The following ENTREP2 variants were observed in gnomAD, a reference collection of about 807,000 sequenced individuals.
ENTREP2 encodes the protein protein ENTREP2.
At chr15:29,581,931 A>C in the ENTREP2 span, among the ~76,000 whole-genome samples, 1 of 140,276 alleles carries the variant, frequency 7.1e-6, no homozygotes, top group South Asian at 2.5e-4. Context: ...ATAGATCCCC[A>C]AAATATGCTG....
chr15:29,194,688 C>T, the ENTREP2 span, among the ~76,000 whole-genome samples: 129 of 152,268 alleles, frequency 8.5e-4, no homozygotes, highest in African/African-American at 3.1e-3. Context: ...ACCAGCTCCC[C>T]CTAGACCTGA....
the ENTREP2 span, among the ~76,000 whole-genome samples, chr15:29,344,418 C>T: frequency 6.6e-6 from 1 of 152,284 alleles, no homozygotes; most frequent in East Asian, 1.9e-4. Context: ...GAACTTCCTC[C>T]CTGCTAGATT....
At chr15:29,198,777 C>T in the ENTREP2 span, among the ~76,000 whole-genome samples, 1 of 152,248 alleles carries the variant, frequency 6.6e-6, no homozygotes, top group Non-Finnish European at 1.5e-5. Flanking sequence ...TAAATAATCA[C>T]TTCTAGGCTT....
At chr15:29,444,170 C>T in the ENTREP2 span, among the ~76,000 whole-genome samples, 1 of 71,486 alleles carries the variant, frequency 1.4e-5, no homozygotes, top group African/African-American at 4.4e-5. Flanking sequence ...GAAAGACAGA[C>T]AAAGAAAGAA....
the ENTREP2 span, among the ~76,000 whole-genome samples, chr15:29,591,832 GAGAAGAAGAAGAAGAAGAAGAAGAAGA>G: frequency 0.39 from 54,685 of 140,058 alleles, 12,597 homozygotes; most frequent in Non-Finnish European, 0.53. Flanking sequence ...CATCTCAAAA[GAGAAGAAGAAGAAGAAGAAGAAGAAGA>G]AGAAGAAGAA....
chr15:29,667,830 A>G, the ENTREP2 span, among the ~76,000 whole-genome samples: 1 of 152,058 alleles, frequency 6.6e-6, no homozygotes, highest in Non-Finnish European at 1.5e-5. Flanking sequence ...ACACACTTCA[A>G]TGCATGAAAA....
the ENTREP2 span, among the ~76,000 whole-genome samples, chr15:29,323,681 C>G: frequency 6.6e-6 from 1 of 151,932 alleles, no homozygotes; most frequent in Non-Finnish European, 1.5e-5. Context: ...GGCTCTGCAC[C>G]AGTGAGGTCT....
At chr15:29,240,722 A>G in the ENTREP2 span, among the ~76,000 whole-genome samples, 3 of 152,150 alleles carry the variant, frequency 2.0e-5, no homozygotes, top group African/African-American at 4.8e-5. Flanking sequence ...GCCAAAATAT[A>G]ATGATTTGTG....
the ENTREP2 span, among the ~76,000 whole-genome samples, chr15:29,298,937 G>A: frequency 6.6e-6 from 1 of 152,086 alleles, no homozygotes; most frequent in Non-Finnish European, 1.5e-5. Flanking sequence ...TCTCTCTCAT[G>A]AACATAAATG....
the ENTREP2 span, chr15:29,196,658 G>T: frequency 7.2e-7 from 1 of 1,397,966 alleles, no homozygotes; most frequent in Non-Finnish European, 9.6e-7. Flanking sequence ...CAGGAAAATG[G>T]CTCAGTTCAA....
the ENTREP2 span, among the ~76,000 whole-genome samples, chr15:29,378,637 C>A: frequency 2.0e-5 from 3 of 152,230 alleles, no homozygotes; most frequent in African/African-American, 7.2e-5. Flanking sequence ...AGCCTCAGCT[C>A]TTCCCTCCAT....
the ENTREP2 span, among the ~76,000 whole-genome samples, chr15:29,422,322 T>C: frequency 6.6e-6 from 1 of 152,192 alleles, no homozygotes; most frequent in Admixed American, 6.5e-5. Context: ...ACATGGCCAC[T>C]GACTGGTGCT....
At chr15:29,228,985 A>G in the ENTREP2 span, among the ~76,000 whole-genome samples, 1 of 152,128 alleles carries the variant, frequency 6.6e-6, no homozygotes, top group Non-Finnish European at 1.5e-5. Context: ...AATTTTTATT[A>G]GGAACATTTT....
chr15:29,627,540 TAAAA>T, the ENTREP2 span, among the ~76,000 whole-genome samples: 3 of 120,226 alleles, frequency 2.5e-5, no homozygotes, highest in Non-Finnish European at 1.8e-5. Context: ...AGACTCCATC[TAAAA>T]AAAAAAAAAA....
the ENTREP2 span, among the ~76,000 whole-genome samples, chr15:29,152,807 G>T: frequency 5.3e-5 from 8 of 152,114 alleles, no homozygotes; most frequent in Admixed American, 3.9e-4. Context: ...ATGTCCAGGA[G>T]CACAATTGCT....
chr15:29,242,645 C>T, the ENTREP2 span, among the ~76,000 whole-genome samples: 36 of 152,338 alleles, frequency 2.4e-4, no homozygotes, highest in African/African-American at 8.4e-4. Context: ...ACATGCTCCC[C>T]TCCAGGAATG....
chr15:29,507,053 G>A, the ENTREP2 span, among the ~76,000 whole-genome samples: 35 of 151,978 alleles, frequency 2.3e-4, 1 homozygote, highest in Middle Eastern at 3.4e-3. Flanking sequence ...ATAAAGGGAC[G>A]GAGGAAGATT....
chr15:29,570,560 G>C, the ENTREP2 span: 1 of 1,469,408 alleles, frequency 6.8e-7, no homozygotes, highest in Non-Finnish European at 9.0e-7. Context: ...GGTGGTGAGC[G>C]CCAGCGCGGC....
the ENTREP2 span, among the ~76,000 whole-genome samples, chr15:29,240,835 C>T: frequency 3.8e-4 from 58 of 152,246 alleles, 1 homozygote; most frequent in African/African-American, 1.2e-3. Flanking sequence ...AATGAATGAA[C>T]GTACAGAATG....
Sources: allele counts gnomAD v4.1 joint callset (sites outside exome capture counted in the v4.1 genomes callset), GRCh38; gene constraint gnomAD v4.1.1; transcripts MANE v1.5; gene names NCBI Gene and HGNC (gene_info 2026-07-23, HGNC 2026-07-21).